The following AKAP6 variants were observed in gnomAD, a reference collection of about 807,000 sequenced individuals.
AKAP6 encodes A-kinase anchoring protein 6.
AKAP6 carries 58 observed loss-of-function variants against 188.5 expected under a neutral mutation model. The ratio of observed to expected loss-of-function variants is 0.31; its 90% CI spans 0.25 to 0.38. The LOEUF is 0.38. Ranked by LOEUF, AKAP6 falls within the 10% of genes least tolerant of loss-of-function variation. The pLI is 1.00. For synonymous variants in AKAP6, 989 were observed against 998.6 expected, an observed-to-expected ratio of 0.99 and a Z score of 0.18; for missense variants, 2,710 against 2,740.0, an observed-to-expected ratio of 0.99 and a Z score of 0.24.
intron 2 of AKAP6, among the ~76,000 whole-genome samples, chr14:32,444,259 G>C (rs1353139071): frequency 6.6e-6 from 1 of 152,150 alleles, no homozygotes; most frequent in Non-Finnish European, 1.5e-5. Context: ...CTGGGCTTGG[G>C]TGGTGGAAGT....
intron 1 of AKAP6, chr14:32,375,914 C>T (rs954066712): frequency 6.6e-6 from 1 of 152,176 alleles, no homozygotes; most frequent in South Asian, 2.1e-4. Flanking sequence ...CTCTAACTTA[C>T]CTTTCCAACT....
chr14:32,359,509 T>C (rs751550532), intron 1 of AKAP6, among the ~76,000 whole-genome samples: 15 of 152,048 alleles, frequency 9.9e-5, no homozygotes, highest in Non-Finnish European at 2.1e-4. Context: ...TTATGGTATA[T>C]TTATCAAATC....
At chr14:32,741,491 T>C (rs1478629497) in intron 11 of AKAP6, among the ~76,000 whole-genome samples, 1 of 152,046 alleles carries the variant, frequency 6.6e-6, no homozygotes, top group Non-Finnish European at 1.5e-5. Flanking sequence ...ATACTACCTG[T>C]GGCTCGGTCG....
chr14:32,382,268 C>T (rs1888389402), intron 1 of AKAP6, among the ~76,000 whole-genome samples: 1 of 151,176 alleles, frequency 6.6e-6, no homozygotes, highest in Non-Finnish European at 1.5e-5. Flanking sequence ...ACCCCTCTGT[C>T]TGAGAGTAAG....
intron 9 of AKAP6, among the ~76,000 whole-genome samples, chr14:32,699,339 A>G (rs1890535774): frequency 6.6e-6 from 1 of 152,204 alleles, no homozygotes. Flanking sequence ...AGCCAGCAAA[A>G]TACACAAGGA....
At chr14:32,496,495 A>G (rs1441418551) in intron 2 of AKAP6, among the ~76,000 whole-genome samples, 4 of 151,964 alleles carry the variant, frequency 2.6e-5, no homozygotes, top group Non-Finnish European at 5.9e-5. Flanking sequence ...GGAGTGGCCT[A>G]TTGATATATT....
chr14:32,433,289 G>A (rs1890277851), intron 1 of AKAP6, 171 bp from the exon 2 acceptor site: 1 of 553,196 alleles, frequency 1.8e-6, no homozygotes, highest in South Asian at 2.3e-5. Flanking sequence ...CTGGCTCTTG[G>A]GGCTACCATG....
At chr14:32,758,054 T>C (rs2032404458) in intron 11 of AKAP6, among the ~76,000 whole-genome samples, 1 of 152,166 alleles carries the variant, frequency 6.6e-6, no homozygotes, top group Non-Finnish European at 1.5e-5. Context: ...AAGTATAAAC[T>C]TTTAGAAAGT....
At chr14:32,506,050 G>T (rs998521862) in intron 2 of AKAP6, among the ~76,000 whole-genome samples, 1 of 152,030 alleles carries the variant, frequency 6.6e-6, no homozygotes, top group Non-Finnish European at 1.5e-5. Context: ...GGCTGAGGCA[G>T]GAGAATCACT....
intron 2 of AKAP6, among the ~76,000 whole-genome samples, chr14:32,486,328 A>G (rs567746229): frequency 6.6e-6 from 1 of 152,210 alleles, no homozygotes; most frequent in South Asian, 2.1e-4. Flanking sequence ...TTAAATTTAA[A>G]GTAGTTTTTT....
intron 1 of AKAP6, among the ~76,000 whole-genome samples, chr14:32,343,316 A>G (rs2033729446): frequency 6.6e-6 from 1 of 152,158 alleles, no homozygotes; most frequent in Admixed American, 6.5e-5. Context: ...TGGAGTGGTT[A>G]GTGGAGACCC....
intron 4 of AKAP6, among the ~76,000 whole-genome samples, chr14:32,552,336 A>G (rs1192260119): frequency 6.6e-6 from 1 of 152,232 alleles, no homozygotes; most frequent in African/African-American, 2.4e-5. Flanking sequence ...GGAGAAAAGC[A>G]GAGGGACTGA....
chr14:32,643,620 C>T (rs745832928), intron 7 of AKAP6, among the ~76,000 whole-genome samples: 1 of 152,074 alleles, frequency 6.6e-6, no homozygotes, highest in Non-Finnish European at 1.5e-5. Flanking sequence ...CATTCTTTAT[C>T]ACCTGCTTTT....
intron 2 of AKAP6, among the ~76,000 whole-genome samples, chr14:32,476,169 C>G (rs1177276828): frequency 1.3e-5 from 2 of 152,080 alleles, no homozygotes; most frequent in Admixed American, 6.6e-5. Context: ...TTTATCAATT[C>G]AACAAATATT....
chr14:32,806,236 T>C (rs567460360), intron 12 of AKAP6, among the ~76,000 whole-genome samples: 1 of 152,334 alleles, frequency 6.6e-6, no homozygotes, highest in Admixed American at 6.5e-5. Context: ...TTGACATAGA[T>C]GAGACAGTAG....
intron 7 of AKAP6, among the ~76,000 whole-genome samples, chr14:32,670,096 CAA>C (rs35146450): frequency 2.0e-4 from 11 of 54,802 alleles, no homozygotes; most frequent in Admixed American, 6.1e-4. Flanking sequence ...GACTCTGTCT[CAA>C]AAAAAAAAAA....
chr14:32,494,917 T>C (rs140482235), intron 2 of AKAP6, among the ~76,000 whole-genome samples: 86 of 152,284 alleles, frequency 5.6e-4, no homozygotes, highest in Non-Finnish European at 1.1e-3. Flanking sequence ...TGCACACAGA[T>C]TGTAAGCTTT....
At chr14:32,537,589 C>T (rs936256092) in intron 3 of AKAP6, among the ~76,000 whole-genome samples, 2 of 152,166 alleles carry the variant, frequency 1.3e-5, no homozygotes, top group African/African-American at 4.8e-5. Context: ...TTGTCCAACA[C>T]CCAGTGCTCT....
intron 2 of AKAP6, among the ~76,000 whole-genome samples, chr14:32,512,012 T>C (rs1371896239): frequency 2.0e-5 from 3 of 152,224 alleles, no homozygotes; most frequent in Non-Finnish European, 4.4e-5. Flanking sequence ...GTCCCTCATT[T>C]TGTTTCTTTA....
Sources: gnomAD v4.1 joint callset for allele counts (sites outside exome capture counted in the v4.1 genomes callset) on GRCh38, gnomAD v4.1.1 for gene constraint, MANE v1.5 for transcripts, NCBI Gene and HGNC (gene_info 2026-07-23, HGNC 2026-07-21) for gene names.